The following CEP152 variants were observed in gnomAD, a reference collection of about 807,000 sequenced individuals.
CEP152 encodes the protein centrosomal protein 152.
In CEP152, 132 loss-of-function variants were observed where a neutral mutation model predicts 188.9. The ratio of observed to expected loss-of-function variants is 0.70; its 90% CI spans 0.61 to 0.81. The LOEUF (loss-of-function observed/expected upper bound fraction) is 0.81, where lower values mean the gene tolerates loss of function less well. Among genes scored for constraint, CEP152 ranks in the 30% least tolerant of loss-of-function variants. CEP152 has a pLI of 0.00. For synonymous variants in CEP152, 649 were observed against 666.6 expected, an observed-to-expected ratio of 0.97 and a Z score of 0.41; for missense variants, 1,914 against 1,969.8, an observed-to-expected ratio of 0.97 and a Z score of 0.54.
intron 12 of CEP152, among the ~76,000 whole-genome samples, chr15:48,774,266 G>A (rs1895742594): frequency 6.6e-6 from 1 of 152,032 alleles, no homozygotes; most frequent in Non-Finnish European, 1.5e-5. Flanking sequence ...ATGTGTAACT[G>A]AACTCCCAGA....
chr15:48,761,841 C>G (rs1373255446), intron 18 of CEP152, among the ~76,000 whole-genome samples: 1 of 152,138 alleles, frequency 6.6e-6, no homozygotes. Context: ...ACATTTCTTT[C>G]AAATCAAGTA....
In CEP152 at chr15:48,738,525, A is replaced by G. The variant is rs74986073; in HGVS notation, c.4857T>C (p.Asp1619=). ...KQFSPSGYLS[D]TEESNMICQT... ...GACAAATCATATTACTTTCCTCTGT[A>G]TCTGAAAGATAACCGGATGGTGAAA... The change falls in exon 27 of 27, where the codon GAT becomes GAC. Residue 1619 remains aspartate, a synonymous_variant. Coordinates refer to ENST00000380950, the MANE Select transcript of CEP152 (RefSeq NM_001194998.2). The G allele has an allele frequency of 1.1e-3, 1,832 of 1,614,192 alleles. 17 individuals are homozygous for G. The African/African-American group carries it at 0.022, about 19-fold the overall frequency.
chr15:48,742,591 A>G (rs1303542092), intron 24 of CEP152, among the ~76,000 whole-genome samples: 2 of 152,188 alleles, frequency 1.3e-5, no homozygotes, highest in Non-Finnish European at 2.9e-5. Flanking sequence ...ACGTTCCATT[A>G]TTTATTGAAA....
At chr15:48,743,187 G>A (rs559086546) in intron 24 of CEP152, among the ~76,000 whole-genome samples, 2 of 152,114 alleles carry the variant, frequency 1.3e-5, no homozygotes, top group Non-Finnish European at 2.9e-5. Flanking sequence ...CAGTAACAAC[G>A]GAGAAGCAAA....
At position 48,772,483 on chromosome 15, in the gene CEP152, A is replaced by G. The variant is rs1406499935; in HGVS notation, c.1782+4T>C. The G allele has an allele frequency of 3.7e-6, 6 of 1,609,914 alleles. No homozygotes were observed. The highest frequency in any genetic ancestry group is 4.5e-5 in the East Asian group (2 of 44,854). ...GGTTTTTTAACTCTATAGGCTTTAC[A>G]TACCTCAACCTCAATGCTTTTTTCA... On this transcript the variant is annotated splice_donor_region_variant and intron_variant, in intron 13 of 26. Transcript: ENST00000380950.
intron 19 of CEP152, among the ~76,000 whole-genome samples, chr15:48,759,195 G>A (rs1894498419): frequency 6.6e-6 from 1 of 151,930 alleles, no homozygotes; most frequent in African/African-American, 2.4e-5. Flanking sequence ...CTTTGCTATT[G>A]GATATGTTGC....
chr15:48,775,807 T>G (rs901717668), intron 12 of CEP152, among the ~76,000 whole-genome samples: 10 of 151,952 alleles, frequency 6.6e-5, no homozygotes, highest in Non-Finnish European at 1.3e-4. Flanking sequence ...TGAAATGCTG[T>G]AAAATTAGGT....
chr15:48,748,448 AT>A lies in CEP152; in HGVS notation c.3628del (p.Ile1210LeufsTer12). 6.5e-7 allele frequency: 1 copy of A among 1,528,662 alleles called. No individual in the cohort carries two copies. Among genetic ancestry groups the A allele is most frequent in the Non-Finnish European group, 8.7e-7 (1 of 1,144,104 alleles). The allele number at this position is 1,528,662 out of a possible 1,614,324, so 94.7% of individuals were successfully genotyped here. On this transcript the variant is annotated frameshift_variant, in exon 22 of 27. Coordinates refer to ENST00000380950, the MANE Select transcript of CEP152 (RefSeq NM_001194998.2). LOFTEE classifies it high-confidence loss of function. ...GTGCTACTTTAAATGCTAACCTCCA[AT>A]TTTTTCCACTACAGCTTTGTGCTTC... ...ERKHKAVVEK[I>X]GEENNKVVEE...
chr15:48,789,153 C>T, intron 8 of CEP152, 152 bp from the exon 9 acceptor site: 1 of 706,370 alleles, frequency 1.4e-6, no homozygotes, highest in Non-Finnish European at 2.4e-6. Flanking sequence ...ATGGCTCAAG[C>T]TCCTTAAAAC....
Position 48,739,304 on chromosome 15 carries a change from A to G in CEP152, c.4094-16T>C. 6.3e-7 allele frequency: 1 copy of G among 1,592,418 alleles called. No homozygotes were observed. Among genetic ancestry groups the G allele is most frequent in the Non-Finnish European group, 8.5e-7 (1 of 1,173,532 alleles). ...AGGGGCAGTGCTATTATGTGCAAGG[A>G]AACACGAAATTAAGAGAAAATTAAT... On this transcript the variant is annotated splice_polypyrimidine_tract_variant and intron_variant, in intron 26 of 26. Transcript: ENST00000380950.
In CEP152 at chr15:48,784,090, C is replaced by A. The variant is rs780764155; in HGVS notation, c.1204G>T (p.Val402Leu). The change falls in exon 10 of 27, where the codon GTG becomes TTG. Residue 402 changes from valine to leucine, a missense_variant. By Grantham distance (32) the Val-to-Leu change is conservative (BLOSUM62 1). Coordinates refer to ENST00000380950, the MANE Select transcript of CEP152 (RefSeq NM_001194998.2). ...TCTTGATTCCTTTCCAGTTGTTTCA[C>A]GTGATCTTTCAGACGAGAGCAAATG... ...EDICSRLKDH[V>L]KQLERNQEAI... 1 of 1,613,338 alleles carries A rather than the reference C, an allele frequency of 6.2e-7. No homozygotes were observed. The highest frequency in any genetic ancestry group is 1.3e-5 in the African/African-American group (1 of 74,816).
Position 48,768,243 on chromosome 15 carries a change from T to C in CEP152, c.1994A>G (p.His665Arg). ...QMRQMVQDFD[H>R]DKQEAVDRCE... ...CCTATCCACAGCTTCTTGTTTGTCA[T>C]GGTCAAAATCTTGTACCATTTGTCT... Residue 665 changes from histidine (H) to arginine (R), a missense_variant, in exon 15 of 27, where the codon CAT becomes CGT. Physicochemically the swap from His to Arg is conservative, Grantham distance 29. Transcript: ENST00000380950. The C allele has an allele frequency of 6.2e-7, 1 of 1,610,488 alleles. No homozygotes were observed. Among genetic ancestry groups the C allele is most frequent in the Non-Finnish European group, 8.5e-7 (1 of 1,176,692 alleles).
In CEP152 at chr15:48,798,277, C is replaced by T. The variant is rs565061989; in HGVS notation, c.88-226G>A. On this transcript the variant is annotated intron_variant, in intron 2 of 26. Transcript: ENST00000380950. The stretch of plus-strand genomic sequence containing the variant: ...ATCAGAAGGCTTTTTTTTTTTTTAA[C>T]GAAGATCTCAGATTTAAATACACAT... Among the ~76,000 whole-genome samples the T allele has an allele frequency of 7.4e-5, 11 of 147,854 alleles. No individual in the cohort carries two copies. The South Asian group carries it at 1.9e-3, about 26-fold the overall frequency.
intron 15 of CEP152, 68 bp from the exon 16 acceptor site, chr15:48,767,531 T>C (rs1895219095): frequency 1.2e-5 from 19 of 1,605,946 alleles, no homozygotes; most frequent in Middle Eastern, 1.7e-4. Context: ...ATTGGTTTCC[T>C]TCCTTCCTCC....
chr15:48,753,566 G>A (rs747456415), intron 20 of CEP152, among the ~76,000 whole-genome samples: 1 of 152,158 alleles, frequency 6.6e-6, no homozygotes, highest in Non-Finnish European at 1.5e-5. Flanking sequence ...CAATCAAGAA[G>A]CTATGGGTTT....
chr15:48,741,740 A>C, intron 25 of CEP152, 36 bp from the exon 26 acceptor site: 1 of 1,613,382 alleles, frequency 6.2e-7, no homozygotes, highest in South Asian at 1.1e-5. Flanking sequence ...AATATAGTTT[A>C]AAGGAAAAAA....
At chr15:48,771,587 T>C (rs949134192) in intron 13 of CEP152, among the ~76,000 whole-genome samples, 4 of 152,206 alleles carry the variant, frequency 2.6e-5, no homozygotes, top group African/African-American at 9.6e-5. Flanking sequence ...AATACTTCCT[T>C]GTATTTATGG....
intron 9 of CEP152, among the ~76,000 whole-genome samples, chr15:48,786,261 G>A (rs929168897): frequency 6.6e-6 from 1 of 152,136 alleles, no homozygotes; most frequent in Non-Finnish European, 1.5e-5. Context: ...TCAGTTTGGT[G>A]GAGAGAGTCC....
chr15:48,766,915 A>G, intron 17 of CEP152, 145 bp downstream of exon 17: 3 of 976,752 alleles, frequency 3.1e-6, no homozygotes, highest in Non-Finnish European at 4.9e-6. Context: ...TTTGTGAGCT[A>G]TATGAGTGTG....
Sources: allele counts gnomAD v4.1 joint callset (sites outside exome capture counted in the v4.1 genomes callset), GRCh38; gene constraint gnomAD v4.1.1; transcripts MANE v1.5; gene names NCBI Gene and HGNC (gene_info 2026-07-23, HGNC 2026-07-21).